Variants in TVP23C observed in about 807,000 individuals in gnomAD.
TVP23C encodes the protein Golgi apparatus membrane protein TVP23 homolog C.
A neutral mutation model predicts 28.7 loss-of-function variants in TVP23C; 19 were observed. The ratio of observed to expected loss-of-function variants is 0.66; its 90% CI spans 0.46 to 0.97. The LOEUF is 0.97. Ranked by LOEUF, TVP23C falls within the 50% of genes least tolerant of loss-of-function variation. TVP23C has a pLI of 0.00. For synonymous variants in TVP23C, 68 were observed against 81.7 expected (o/e 0.83, Z 0.90); for missense variants, 186 against 241.3 (o/e 0.77, Z 1.52).
chr17:15,535,815 G>C (rs1027836179), downstream of TVP23C, among the ~76,000 whole-genome samples: 1 of 152,220 alleles, frequency 6.6e-6, no homozygotes, highest in African/African-American at 2.4e-5. Context: ...GTATCGACAA[G>C]AATCCAGTTA....
At chr17:15,554,883 C>T (rs944448682) in intron 2 of TVP23C, among the ~76,000 whole-genome samples, 7 of 152,150 alleles carry the variant, frequency 4.6e-5, no homozygotes, top group African/African-American at 1.7e-4. Context: ...TAGCAGGGTT[C>T]AAGTAGAATT....
chr17:15,533,225 A>C (rs1221128725), downstream of TVP23C, among the ~76,000 whole-genome samples: 1 of 152,254 alleles, frequency 6.6e-6, no homozygotes, highest in African/African-American at 2.4e-5. Flanking sequence ...CTGTAATGTA[A>C]CAGAGAAATA....
At chr17:15,549,886 T>TA (rs1377478185) in intron 3 of TVP23C, among the ~76,000 whole-genome samples, 1 of 151,536 alleles carries the variant, frequency 6.6e-6, no homozygotes, top group East Asian at 1.9e-4. Context: ...GGAAGAGTCT[T>TA]ATGAGACCAA....
At chr17:15,510,440 T>A (rs1283013141) in intron 5 of TVP23C, among the ~76,000 whole-genome samples, 1 of 152,088 alleles carries the variant, frequency 6.6e-6, no homozygotes. Flanking sequence ...TGAGATACCA[T>A]CTCACACCAG....
intron 3 of TVP23C, among the ~76,000 whole-genome samples, chr17:15,550,546 AT>A (rs2150856782): frequency 6.6e-6 from 1 of 152,242 alleles, no homozygotes; most frequent in African/African-American, 2.4e-5. Context: ...GAACTTATTT[AT>A]TTTTTGGCAC....
chr17:15,529,261 G>A (rs1982854138), intron 5 of TVP23C, among the ~76,000 whole-genome samples: 1 of 152,012 alleles, frequency 6.6e-6, no homozygotes, highest in South Asian at 2.1e-4. Context: ...AGACCAGCCT[G>A]GCCAACATGG....
At chr17:15,544,962 C>G (rs1395258544) in intron 5 of TVP23C, among the ~76,000 whole-genome samples, 3 of 151,970 alleles carry the variant, frequency 2.0e-5, no homozygotes, top group Admixed American at 6.5e-5. Context: ...AATATTTATT[C>G]ATATCAGATA....
At chr17:15,536,507 T>C (rs1013833500), downstream of TVP23C, among the ~76,000 whole-genome samples, 9 of 152,070 alleles carry the variant, frequency 5.9e-5, no homozygotes, top group African/African-American at 2.2e-4. Flanking sequence ...CCTAGCTAAT[T>C]AGGTGGGAAA....
chr17:15,506,972 T>G, intron 5 of TVP23C: 1 of 1,260,084 alleles, frequency 7.9e-7, no homozygotes, highest in Non-Finnish European at 1.1e-6. Context: ...GCAGAAAACT[T>G]TCATGCTCTA....
intron 5 of TVP23C, among the ~76,000 whole-genome samples, chr17:15,519,999 G>A (rs1488059520): frequency 2.0e-5 from 3 of 151,976 alleles, no homozygotes; most frequent in Admixed American, 1.3e-4. Context: ...AAGAGTAAAA[G>A]GGACCCTGGA....
At chr17:15,507,446 A>C (rs1483010174) in intron 5 of TVP23C, 1 of 484,922 alleles carries the variant, frequency 2.1e-6, no homozygotes, top group Non-Finnish European at 3.7e-6. Context: ...CTATCCTGTC[A>C]TCTTTGTGTT....
At chr17:15,553,643 T>C in intron 3 of TVP23C, 42 bp downstream of exon 3, 1 of 1,555,654 alleles carries the variant, frequency 6.4e-7, no homozygotes, top group South Asian at 1.2e-5. Context: ...TACATCATTT[T>C]CATATTAAAT....
intron 3 of TVP23C, among the ~76,000 whole-genome samples, chr17:15,552,113 GA>G (rs1336892022): frequency 6.6e-6 from 1 of 152,122 alleles, no homozygotes; most frequent in African/African-American, 2.4e-5. Context: ...TAAGAATTTG[GA>G]AATTACCAGG....
At chr17:15,547,797 T>C (rs1983709989) in intron 3 of TVP23C, among the ~76,000 whole-genome samples, 1 of 152,186 alleles carries the variant, frequency 6.6e-6, no homozygotes, top group African/African-American at 2.4e-5. Context: ...TGTGGGATGC[T>C]TGAAGAGTAT....
Position 15,525,811 on chromosome 17 carries a change from G to A in TVP23C, c.462+19974C>T, listed in dbSNP as rs535011525. ...GTGGTGCTTAGCACTGTAAGCCTAA[G>A]GCAGACTGTCCAGATAGGAACCTTG... On this transcript the variant is annotated intron_variant, in intron 5 of 5. Coordinates refer to the TVP23C transcript ENST00000225576. Among the ~76,000 whole-genome samples, 3 of 152,282 alleles carry A rather than the reference G, an allele frequency of 2.0e-5. No individual in the cohort carries two copies. The South Asian group carries it at 6.2e-4, about 32-fold the overall frequency.
chr17:15,555,086 C>T (rs1390570816), intron 2 of TVP23C, among the ~76,000 whole-genome samples, 196 bp downstream of exon 2: 1 of 152,206 alleles, frequency 6.6e-6, no homozygotes, highest in Non-Finnish European at 1.5e-5. Flanking sequence ...GATTTTAAAA[C>T]TCAGTATTAA....
intron 3 of TVP23C, among the ~76,000 whole-genome samples, chr17:15,548,712 A>G (rs917372803): frequency 3.9e-5 from 6 of 152,248 alleles, no homozygotes; most frequent in Admixed American, 2.0e-4. Flanking sequence ...TTCATAAAGT[A>G]TAGTAGTCCT....
chr17:15,520,573 A>G (rs1217948979), intron 5 of TVP23C, among the ~76,000 whole-genome samples: 1 of 149,576 alleles, frequency 6.7e-6, no homozygotes, highest in South Asian at 2.1e-4. Flanking sequence ...TATTTTATGT[A>G]TCTTGTCCAC....
At chr17:15,508,454 T>C (rs913037914) in intron 5 of TVP23C, among the ~76,000 whole-genome samples, 1 of 152,114 alleles carries the variant, frequency 6.6e-6, no homozygotes. Context: ...GTAGGCAGCA[T>C]CCCGCTCAGG....
Sources: gnomAD v4.1 joint callset for allele counts (sites outside exome capture counted in the v4.1 genomes callset) on GRCh38, gnomAD v4.1.1 for gene constraint, MANE v1.5 for transcripts, NCBI Gene and HGNC (gene_info 2026-07-23, HGNC 2026-07-21) for gene names.